The following TRRAP variants were observed in gnomAD, a reference collection of about 807,000 sequenced individuals.
The protein encoded by TRRAP is transformation/transcription domain-associated protein.
Under a neutral mutation model 438.8 loss-of-function variants are expected in TRRAP, and 41 were observed. The ratio of observed to expected loss-of-function variants is 0.09; its 90% CI spans 0.07 to 0.12. TRRAP has a LOEUF of 0.12. Ranked by LOEUF, TRRAP falls within the 10% of genes least tolerant of loss-of-function variation. The probability of loss-of-function intolerance (pLI) is 1.00; values close to 1 mark genes in which losing one functional copy is unlikely to be tolerated. For missense variants in TRRAP, 3,122 were observed against 5,055.1 expected, an observed-to-expected ratio of 0.62 and a Z score of 11.60; for synonymous variants, 1,994 against 1,962.9, an observed-to-expected ratio of 1.02 and a Z score of -0.42.
Position 98,895,659 on chromosome 7 carries a change from C to T in TRRAP, c.451-105C>T, listed in dbSNP as rs74722259. On this transcript the variant is annotated intron_variant, in intron 6 of 72. Coordinates refer to ENST00000456197, the MANE Select transcript of TRRAP (RefSeq NM_001375524.1). ...TGAGCCCACCATTTTCCTTACCTCT[C>T]TTATGAGTTCTTACGTAGTAAGACA... 1.7e-3 allele frequency: 1,522 copies of T among 919,214 alleles called. 16 individuals are homozygous for T. The African/African-American group carries it at 0.021, about 12-fold the overall frequency. The allele number at this position is 919,214 out of a possible 1,614,324, so 56.9% of individuals were successfully genotyped here. A position where few individuals can be genotyped will look rare whatever the true frequency, so the allele number is the denominator to read the frequency against.
chr7:98,911,206 A>G lies in TRRAP; in HGVS notation c.1942A>G (p.Lys648Glu). The change falls in exon 17 of 73, where the codon AAA becomes GAA. Residue 648 changes from lysine (K) to glutamate (E), a missense_variant. Lys to Glu is a moderately conservative substitution (Grantham distance 56). This residue lies in a region of TRRAP where 149 missense variants were observed against 302.8 expected (regional missense o/e 0.49). Transcript: ENST00000456197. ...VFTMMNPLTF[K>E]EIFQTTVPYM... The stretch of plus-strand genomic sequence containing the variant: ...CACAATGATGAACCCCTTAACGTTC[A>G]AAGAAATCTTCCAAACTACGGTCCC... 6.2e-7 allele frequency: 1 copy of G among 1,614,252 alleles called. No individual in the cohort carries two copies.
intron 3 of TRRAP, among the ~76,000 whole-genome samples, chr7:98,884,637 C>G (rs1218731652): frequency 1.3e-5 from 2 of 152,146 alleles, no homozygotes; most frequent in African/African-American, 4.8e-5. Flanking sequence ...GAGACACTCC[C>G]CATTCCCTTG....
At chr7:98,909,990 G>A (rs1796991760) in intron 14 of TRRAP, 66 bp from the exon 15 acceptor site, 1 of 1,508,560 alleles carries the variant, frequency 6.6e-7, no homozygotes, top group Non-Finnish European at 8.8e-7. Context: ...ACTGTGATCT[G>A]AGCAGTATTT....
At chr7:98,883,636 G>A (rs1418654896) in intron 3 of TRRAP, among the ~76,000 whole-genome samples, 1 of 152,132 alleles carries the variant, frequency 6.6e-6, no homozygotes, top group East Asian at 1.9e-4. Context: ...CACTCAGCCT[G>A]TTAAGTAGCT....
chr7:98,946,800 G>C (rs944514185), intron 33 of TRRAP, among the ~76,000 whole-genome samples: 1 of 152,224 alleles, frequency 6.6e-6, no homozygotes, highest in Admixed American at 6.5e-5. Flanking sequence ...CCTCCCAGTG[G>C]TGTTGCAAAG....
rs1789567486 is a variant in TRRAP, at chr7:98,917,570, C to T, written c.2513C>T (p.Ser838Phe). 2 of 1,614,092 alleles carry T rather than the reference C, an allele frequency of 1.2e-6. No individual in the cohort carries two copies. The highest frequency in any genetic ancestry group is 2.7e-5 in the African/African-American group (2 of 74,944). The change falls in exon 20 of 73, where the codon TCT becomes TTT. Residue 838 changes from serine to phenylalanine, a missense_variant. Physicochemically the swap from Ser to Phe is radical, Grantham distance 155. Transcript: ENST00000456197. ...MDPLVSALNG[S>F]QTLVSQGLRT... is the part of the protein sequence containing the mutation. Reference sequence around the variant, plus strand: ...CCCTTGGTGTCTGCACTCAATGGGTCTCAGACATTGGTCAGCCAAGGCCTC... The same window carrying T: ...CCCTTGGTGTCTGCACTCAATGGGTTTCAGACATTGGTCAGCCAAGGCCTC...
At chr7:98,953,502 T>A (rs988499830) in intron 40 of TRRAP, 69 bp downstream of exon 40, 3 of 1,577,536 alleles carry the variant, frequency 1.9e-6, no homozygotes, top group Non-Finnish European at 2.6e-6. Context: ...GGCTCCCTGG[T>A]GCAGTCTCAG....
chr7:98,931,724 T>A (rs550901138), intron 26 of TRRAP, 59 bp downstream of exon 26: 100 of 1,578,476 alleles, frequency 6.3e-5, no homozygotes, highest in East Asian at 1.6e-4. Flanking sequence ...GCCTTTTTTT[T>A]AAATTTGAGT....
intron 27 of TRRAP, 30 bp from the exon 28 acceptor site, chr7:98,935,549 G>A: frequency 6.3e-7 from 1 of 1,579,084 alleles, no homozygotes; most frequent in South Asian, 1.1e-5. Flanking sequence ...AGGAAGAGTG[G>A]GCTAAATGAA....
At chr7:98,999,812 G>A (rs768188934) in intron 67 of TRRAP, 7 of 505,430 alleles carry the variant, frequency 1.4e-5, no homozygotes, top group African/African-American at 6.0e-5. Flanking sequence ...GGCAAATCCC[G>A]ATCGATGCTG....
At chr7:98,980,067 G>A (rs1411354364) in intron 58 of TRRAP, among the ~76,000 whole-genome samples, 1 of 152,194 alleles carries the variant, frequency 6.6e-6, no homozygotes, top group Non-Finnish European at 1.5e-5. Context: ...GTGCCAATGT[G>A]GAGGGTAATG....
chr7:98,906,640 C>T (rs979709664), intron 13 of TRRAP, among the ~76,000 whole-genome samples: 15 of 151,862 alleles, frequency 9.9e-5, no homozygotes, highest in Non-Finnish European at 1.9e-4. Context: ...GCCATGTTGG[C>T]CAGGCTGGTC....
rs749534557 is a variant in TRRAP at position 98,962,257 on chromosome 7, C to A, written c.6704-45C>A. ...AGTCCCTGGCATCAGCACTGGTGGG[C>A]CCAAGAGCCATAACCACAGTGCCTG... On this transcript the variant is annotated intron_variant, in intron 46 of 72. Transcript: ENST00000456197. The A allele has an allele frequency of 9.3e-6, 15 of 1,612,890 alleles. No individual in the cohort carries two copies. In the African/African-American group the frequency reaches 1.3e-4, roughly 14 times the overall value.
chr7:98,921,938 G>A lies in TRRAP; in HGVS notation c.2808G>A (p.Gln936=). ...TTTCCGACTGCAAAGCTTCTCTCCA[G>A]CTCCCCATGGAGAAGGTAAGCTCTG... ...VEFSDCKASL[Q]LPMEKAIETA... is the part of the protein sequence containing the mutation. Residue 936 remains glutamine (Q), a synonymous_variant, in exon 21 of 73, where the codon CAG becomes CAA. Transcript: ENST00000456197. 6.2e-7 allele frequency: 1 copy of A among 1,614,218 alleles called. No homozygotes were observed. Among genetic ancestry groups the A allele is most frequent in the Non-Finnish European group, 8.5e-7 (1 of 1,180,036 alleles).
intron 1 of TRRAP, among the ~76,000 whole-genome samples, chr7:98,878,887 TA>T (rs1733747686): frequency 6.6e-6 from 1 of 152,108 alleles, no homozygotes; most frequent in African/African-American, 2.4e-5. Flanking sequence ...GCGCTCGCCG[TA>T]GCTCGGCCTG....
At chr7:98,962,488 TGGAC>T (rs1171140308) in intron 47 of TRRAP, 61 bp downstream of exon 47, 2 of 1,609,192 alleles carry the variant, frequency 1.2e-6, no homozygotes, top group African/African-American at 2.7e-5. Flanking sequence ...CCCCGCTCAC[TGGAC>T]GTGCTTCCCT....
chr7:98,999,675 G>A lies in TRRAP; in HGVS notation c.10310-4515G>A, dbSNP rs1793829645. 10 of 920,630 alleles carry A rather than the reference G, an allele frequency of 1.1e-5. No individual in the cohort carries two copies. In the South Asian group the frequency reaches 1.4e-4, roughly 13 times the overall value. 57.0% of individuals were successfully genotyped at this position (920,630 alleles called of 1,614,324 possible). On this transcript the variant is annotated intron_variant, in intron 67 of 72. Transcript: ENST00000456197. ...TAAGTGTGAATGAAGGTGGGAAGGA[G>A]GATGGATAATCTGGTGGCAGTTCAG...
intron 4 of TRRAP, among the ~76,000 whole-genome samples, chr7:98,890,663 T>C (rs918438147): frequency 6.6e-6 from 1 of 152,106 alleles, no homozygotes. Context: ...ATTTGCCAAC[T>C]GATGACATGT....
At chr7:98,904,120 A>G (rs1257767975) in intron 12 of TRRAP, among the ~76,000 whole-genome samples, 2 of 151,664 alleles carry the variant, frequency 1.3e-5, no homozygotes, top group African/African-American at 4.8e-5. Context: ...TCTTTCCAGT[A>G]CTCCTGCCAT....
Sources: gnomAD v4.1 joint callset for allele counts (sites outside exome capture counted in the v4.1 genomes callset) on GRCh38, gnomAD v4.1.1 for gene constraint, gnomAD v4.1.1 regional missense constraint, MANE v1.5 for transcripts, NCBI Gene and HGNC (gene_info 2026-07-23, HGNC 2026-07-21) for gene names.